GLI2: variants seen among roughly 807,000 people sequenced by gnomAD.
GLI2 encodes transcription activator GLI2.
GLI2 carries 22 observed loss-of-function variants against 78.9 expected under a neutral mutation model. The observed-to-expected ratio is 0.28, with a 90% CI of 0.20 to 0.40. GLI2 has a LOEUF of 0.40. GLI2 is among the 10% of genes least tolerant of loss of function. GLI2 has a pLI of 1.00. For synonymous variants in GLI2, 974 were observed against 963.7 expected (o/e 1.01, Z -0.20); for missense variants, 2,097 against 2,213.2 (o/e 0.95, Z 1.05).
chr2:120,922,474 G>A (rs1679426878), intron 2 of GLI2, among the ~76,000 whole-genome samples: 1 of 152,176 alleles, frequency 6.6e-6, no homozygotes, highest in East Asian at 1.9e-4. Flanking sequence ...GTGGGGAAAA[G>A]ACTATGAGAC....
chr2:120,901,136 G>C (rs1678233287), intron 2 of GLI2, among the ~76,000 whole-genome samples: 1 of 152,156 alleles, frequency 6.6e-6, no homozygotes, highest in South Asian at 2.1e-4. Context: ...CTGCTGACAT[G>C]GAATTCACAT....
intron 2 of GLI2, among the ~76,000 whole-genome samples, chr2:120,904,253 A>G (rs949407765): frequency 2.6e-5 from 4 of 152,206 alleles, no homozygotes; most frequent in Non-Finnish European, 4.4e-5. Flanking sequence ...AGATGGCTGA[A>G]TCAGTTACTG....
intron 2 of GLI2, among the ~76,000 whole-genome samples, chr2:120,809,745 G>C (rs1685145768): frequency 6.6e-6 from 1 of 152,156 alleles, no homozygotes; most frequent in Non-Finnish European, 1.5e-5. Context: ...CTAATCTATA[G>C]GCCCCAGAAG....
At position 120,800,363 on chromosome 2, in the gene GLI2, G is replaced by A. The variant is rs1405854613; in HGVS notation, c.148+2895G>A. 6.6e-6 allele frequency among the ~76,000 whole-genome samples: 1 copy of A among 152,072 alleles called. No individual in the cohort carries two copies. The highest frequency in any genetic ancestry group is 1.9e-4 in the East Asian group (1 of 5,188). ...AGTCGACTCCCCTGTTGCTGCGCAG[G>A]TGACCACTTAGAAGCCTGGCTCCTC... On this transcript the variant is annotated intron_variant, in intron 2 of 13. Transcript: ENST00000361492. The surrounding 1 kb of genome is among the most constrained non-coding windows in gnomAD (Gnocchi z 4.1).
At chr2:120,973,111 T>C (rs894945240) in intron 8 of GLI2, among the ~76,000 whole-genome samples, 1 of 152,210 alleles carries the variant, frequency 6.6e-6, no homozygotes, top group Non-Finnish European at 1.5e-5. Context: ...CCATCAGGCA[T>C]GCTCTGGGCA....
intron 2 of GLI2, among the ~76,000 whole-genome samples, chr2:120,894,366 G>A (rs975976495): frequency 4.6e-5 from 7 of 152,344 alleles, no homozygotes; most frequent in East Asian, 1.9e-4. Flanking sequence ...GCCTGGGACC[G>A]GCGTGGCTCC....
chr2:120,753,589 C>T (rs1402200592), intron 1 of GLI2, among the ~76,000 whole-genome samples: 4 of 151,866 alleles, frequency 2.6e-5, no homozygotes, highest in Non-Finnish European at 4.4e-5. Context: ...AAGATTTGTA[C>T]GTTTATCATA....
intron 2 of GLI2, among the ~76,000 whole-genome samples, chr2:120,912,620 C>T (rs1174785381): frequency 2.0e-5 from 3 of 152,312 alleles, no homozygotes; most frequent in Non-Finnish European, 4.4e-5. Context: ...TCCAGAATCA[C>T]ACGGGCAGGG....
intron 1 of GLI2, among the ~76,000 whole-genome samples, chr2:120,749,191 G>C (rs549223729): frequency 2.0e-5 from 3 of 152,256 alleles, no homozygotes; most frequent in Non-Finnish European, 4.4e-5. Flanking sequence ...TGCTTAACAC[G>C]TGTTTGTTTA....
In GLI2 at chr2:120,990,064, C is replaced by G; in HGVS notation, c.4099C>G (p.Arg1367Gly). The G allele has an allele frequency of 6.2e-7, 1 of 1,600,020 alleles. No individual in the cohort carries two copies. Among genetic ancestry groups the G allele is most frequent in the Non-Finnish European group, 8.5e-7 (1 of 1,172,382 alleles). Residue 1367 changes from arginine (R) to glycine (G), a missense_variant, in exon 14 of 14, where the codon CGT (arginine) becomes GGT (glycine). Around this residue, in one of 5 missense-constraint regions of GLI2, gnomAD observed 1,290 missense variants for 1,261.7 expected, o/e 1.02. Transcript: ENST00000361492. The stretch of plus-strand genomic sequence containing the variant: ...CGAGCCCAGCCCCACTGGCCGCCAC[C>G]GTGGGGTACGTGCTGTGCAGCAGCA... ...PLEPSPTGRH[R>G]GVRAVQQQLA...
intron 2 of GLI2, among the ~76,000 whole-genome samples, chr2:120,917,902 G>T (rs935147894): frequency 2.6e-5 from 4 of 152,218 alleles, no homozygotes; most frequent in Non-Finnish European, 4.4e-5. Context: ...GGAAAGAATG[G>T]TGGGAACCAC....
intron 3 of GLI2, among the ~76,000 whole-genome samples, chr2:120,947,388 A>G (rs1254501924): frequency 1.3e-5 from 2 of 152,250 alleles, no homozygotes; most frequent in African/African-American, 4.8e-5. Flanking sequence ...CAAAGAAAAT[A>G]TGTGCATGTG....
At chr2:120,766,340 A>G (rs1683365354) in intron 1 of GLI2, among the ~76,000 whole-genome samples, 1 of 152,032 alleles carries the variant, frequency 6.6e-6, no homozygotes, top group Non-Finnish European at 1.5e-5. Context: ...GTGCCCATCC[A>G]CTGGACGGAG....
intron 2 of GLI2, among the ~76,000 whole-genome samples, chr2:120,901,439 T>C (rs1465285539): frequency 6.6e-6 from 1 of 152,212 alleles, no homozygotes; most frequent in East Asian, 1.9e-4. Flanking sequence ...GGCCGGCCCA[T>C]ATGACTTGAG....
intron 2 of GLI2, among the ~76,000 whole-genome samples, chr2:120,896,675 C>CCA (rs559994723): frequency 0.016 from 2,273 of 146,254 alleles, 56 homozygotes; most frequent in Middle Eastern, 0.043. Context: ...ACCCACCCCC[C>CCA]CACACACTCA....
chr2:120,863,916 CGTCTGCTGT>C (rs987614938), intron 2 of GLI2, among the ~76,000 whole-genome samples: 6 of 152,080 alleles, frequency 3.9e-5, no homozygotes, highest in East Asian at 1.9e-4. Flanking sequence ...GAGAGGGTGG[CGTCTGCTGT>C]GTCTGCTGTG....
chr2:120,778,999 C>T lies in GLI2; in HGVS notation c.-30-18292C>T, dbSNP rs149771456. On this transcript the variant is annotated intron_variant, in intron 1 of 13. Transcript: ENST00000361492. ...TTTGGGTTAAGAGGCCCCATCATGG[C>T]TGACTCAGGAGCCAGGCTCTCAGGG... 1.1e-4 allele frequency among the ~76,000 whole-genome samples: 17 copies of T among 152,268 alleles called. 1 individual carries two copies. In the East Asian group the frequency reaches 3.3e-3, roughly 29 times the overall value.
At position 120,990,197 on chromosome 2, in the gene GLI2, C is replaced by T. The variant is rs773478679; in HGVS notation, c.4232C>T (p.Pro1411Leu). 1 of 1,613,368 alleles carries T rather than the reference C, an allele frequency of 6.2e-7. No homozygotes were observed. The highest frequency in any genetic ancestry group is 1.1e-5 in the South Asian group (1 of 91,082). The change falls in exon 14 of 14, where the codon CCT becomes CTT. Residue 1411 changes from proline (P) to leucine (L), a missense_variant. Pro to Leu is a moderately conservative substitution (Grantham distance 98). This residue lies in a region of GLI2 where 1,290 missense variants were observed against 1,261.7 expected (regional missense o/e 1.02). Transcript: ENST00000361492. ...GCGATGGGCAACATGGGGTCGGTGCCTCCCCAGCCGCCTCCGCAGGACGCA... is the reference window on the plus strand; with the variant it reads ...GCGATGGGCAACATGGGGTCGGTGCTTCCCCAGCCGCCTCCGCAGGACGCA... ...KGAMGNMGSV[P>L]PQPPPQDAGG...
chr2:120,922,746 GT>G (rs1444295473), intron 2 of GLI2, among the ~76,000 whole-genome samples: 1 of 152,146 alleles, frequency 6.6e-6, no homozygotes, highest in Non-Finnish European at 1.5e-5. Flanking sequence ...ACTAACACGT[GT>G]TCCCAGGCTC....
Sources: allele counts gnomAD v4.1 joint callset (sites outside exome capture counted in the v4.1 genomes callset), GRCh38; gene constraint gnomAD v4.1.1; regional missense constraint gnomAD v4.1.1; non-coding constraint Gnocchi (gnomAD v3.1); transcripts MANE v1.5; gene names NCBI Gene and HGNC (gene_info 2026-07-23, HGNC 2026-07-21).